Variants in CA1 observed in about 807,000 individuals in gnomAD.
The protein encoded by CA1 is carbonate dehydratase I.
CA1 carries 27 observed loss-of-function variants against 28.8 expected under a neutral mutation model. The ratio of observed to expected loss-of-function variants is 0.94; its 90% CI spans 0.69 to 1.29. CA1 has a LOEUF of 1.29. CA1 is among the 50% of genes most tolerant of loss of function. The probability of loss-of-function intolerance (pLI) is 0.00; values close to 1 mark genes in which losing one functional copy is unlikely to be tolerated. For missense variants in CA1, 335 were observed against 310.5 expected (o/e 1.08, Z -0.59); for synonymous variants, 121 against 108.8 (o/e 1.11, Z -0.70).
chr8:85,372,113 A>T (rs1057461711), intron 1 of CA1, among the ~76,000 whole-genome samples: 18 of 152,182 alleles, frequency 1.2e-4, no homozygotes, highest in Admixed American at 1.0e-3. Flanking sequence ...TCCTAGAGTC[A>T]TGTTTATTTT....
intron 1 of CA1, chr8:85,373,387 A>G (rs974004951): frequency 1.3e-5 from 2 of 152,208 alleles, no homozygotes; most frequent in African/African-American, 4.8e-5. Context: ...GTAGCAGCCT[A>G]TGGCTACATC....
chr8:85,331,209 C>T (rs1808380214), intron 6 of CA1, among the ~76,000 whole-genome samples: 1 of 151,892 alleles, frequency 6.6e-6, no homozygotes, highest in Admixed American at 6.6e-5. Context: ...GAAAATTATC[C>T]ATTTTATCTA....
intron 1 of CA1, among the ~76,000 whole-genome samples, chr8:85,358,907 A>G (rs1809698226): frequency 6.6e-6 from 1 of 152,218 alleles, no homozygotes; most frequent in Non-Finnish European, 1.5e-5. Flanking sequence ...AAGTCCAGGT[A>G]AAACCAACAG....
intron 1 of CA1, among the ~76,000 whole-genome samples, chr8:85,345,678 G>A (rs1030264683): frequency 3.9e-5 from 6 of 152,134 alleles, no homozygotes; most frequent in Non-Finnish European, 8.8e-5. Flanking sequence ...CAAGTGCACT[G>A]ATCTGAACTC....
chr8:85,374,058 C>T (rs1166981296), intron 1 of CA1, among the ~76,000 whole-genome samples: 1 of 151,782 alleles, frequency 6.6e-6, no homozygotes, highest in African/African-American at 2.4e-5. Context: ...GACCTGTATA[C>T]CTTAAAATGT....
chr8:85,334,784 A>G (rs930668816), intron 4 of CA1, among the ~76,000 whole-genome samples: 2 of 152,044 alleles, frequency 1.3e-5, no homozygotes, highest in African/African-American at 2.4e-5. Context: ...CGAGGTCAGG[A>G]GTTCGAGATC....
chr8:85,352,847 A>G lies in CA1; in HGVS notation c.-24-11188T>C, dbSNP rs545837829. The stretch of plus-strand genomic sequence containing the variant: ...TGCTTGGCTAATTTTTGTATTTTTA[A>G]TAGAGATGGGGTTTTGCCAAGTTGG... On this transcript the variant is annotated intron_variant, in intron 1 of 7. Transcript: ENST00000523022. Among the ~76,000 whole-genome samples, 21 of 151,988 alleles carry G rather than the reference A, an allele frequency of 1.4e-4. No homozygotes were observed. The South Asian group carries it at 2.1e-3, about 15-fold the overall frequency.
chr8:85,347,661 T>TC lies in CA1; in HGVS notation c.-24-6003dup, dbSNP rs1254390817. On this transcript the variant is annotated intron_variant, in intron 1 of 7. Coordinates refer to ENST00000523022, the MANE Select transcript of CA1 (RefSeq NM_001128831.4). ...TCAGTGGGGCTTAGACCTCACATAC[T>TC]CCATCAATGACATTTGAGTGCTGGG... Among the ~76,000 whole-genome samples the TC allele has an allele frequency of 3.9e-5, 6 of 152,152 alleles. No individual in the cohort carries two copies. The East Asian group carries it at 1.2e-3, about 29-fold the overall frequency.
intron 1 of CA1, chr8:85,350,006 C>T (rs1250876474): frequency 1.3e-5 from 2 of 152,182 alleles, no homozygotes; most frequent in Admixed American, 1.3e-4. Flanking sequence ...GAAATCCTTC[C>T]TGATCCTGTT....
chr8:85,365,151 G>A (rs999995409), intron 1 of CA1, among the ~76,000 whole-genome samples: 1 of 152,200 alleles, frequency 6.6e-6, no homozygotes, highest in African/African-American at 2.4e-5. Context: ...AAAAGGGTGA[G>A]GGAATCTCAG....
At chr8:85,348,188 C>G (rs1024421032) in intron 1 of CA1, among the ~76,000 whole-genome samples, 1 of 152,116 alleles carries the variant, frequency 6.6e-6, no homozygotes, top group Non-Finnish European at 1.5e-5. Flanking sequence ...ATTAGATTTC[C>G]CCCATAAGAT....
intron 1 of CA1, among the ~76,000 whole-genome samples, chr8:85,344,184 A>G (rs1809045282): frequency 8.5e-6 from 1 of 118,098 alleles, no homozygotes; most frequent in African/African-American, 4.3e-5. Context: ...TATATAATAT[A>G]TAATTATATA....
intron 4 of CA1, among the ~76,000 whole-genome samples, chr8:85,335,471 G>A (rs551898015): frequency 6.6e-6 from 1 of 152,230 alleles, no homozygotes; most frequent in Non-Finnish European, 1.5e-5. Flanking sequence ...GTTTGAATTT[G>A]TACAGCTAGT....
chr8:85,366,120 C>T (rs575469322), intron 1 of CA1, among the ~76,000 whole-genome samples: 1 of 151,626 alleles, frequency 6.6e-6, no homozygotes, highest in South Asian at 2.1e-4. Flanking sequence ...ATTGTTAATC[C>T]ACACAGTTAA....
intron 3 of CA1, 190 bp from the exon 4 acceptor site, chr8:85,337,253 G>A (rs1808700727): frequency 1.7e-6 from 1 of 595,956 alleles, no homozygotes; most frequent in Admixed American, 2.5e-5. Context: ...CCCTGACTGT[G>A]GCATTGATGA....
At chr8:85,333,807 T>C (rs910645253) in intron 4 of CA1, among the ~76,000 whole-genome samples, 187 bp from the exon 5 acceptor site, 1 of 152,226 alleles carries the variant, frequency 6.6e-6, no homozygotes, top group Non-Finnish European at 1.5e-5. Flanking sequence ...GTGTGCCAGG[T>C]AGAGATTACA....
In CA1 at chr8:85,378,052, GA is replaced by G. The variant is rs1181551848; in HGVS notation, c.-32del. The G allele has an allele frequency of 3.3e-5, 5 of 152,184 alleles. No individual in the cohort carries two copies. Among genetic ancestry groups the G allele is most frequent in the Non-Finnish European group, 7.3e-5 (5 of 68,044 alleles). The allele number at this position is 152,184 out of a possible 1,614,324, so 9.4% of individuals were successfully genotyped here. On this transcript the variant is annotated 5_prime_UTR_variant, in exon 1 of 8. Transcript: ENST00000523022. ...AGAAGTCTTTGTTACTTACAGCTCT[GA>G]ATGAGAGAAGGCTGCCACAGAGGAC...
At chr8:85,336,263 A>G (rs997750279) in intron 4 of CA1, among the ~76,000 whole-genome samples, 4 of 152,248 alleles carry the variant, frequency 2.6e-5, no homozygotes, top group Admixed American at 6.5e-5. Flanking sequence ...AAAATTAAAA[A>G]GTCAACCTGC....
intron 3 of CA1, 87 bp downstream of exon 3, chr8:85,338,165 A>G: frequency 9.1e-7 from 1 of 1,103,766 alleles, no homozygotes; most frequent in Non-Finnish European, 1.4e-6. Flanking sequence ...AAAGACTTAG[A>G]ATGGGTGTCA....
Sources: gnomAD v4.1 joint callset for allele counts (sites outside exome capture counted in the v4.1 genomes callset) on GRCh38, gnomAD v4.1.1 for gene constraint, MANE v1.5 for transcripts, NCBI Gene and HGNC (gene_info 2026-07-23, HGNC 2026-07-21) for gene names.